Variants in DIP2C observed in about 807,000 individuals in gnomAD.
The protein encoded by DIP2C is disco-interacting protein 2 homolog C.
In DIP2C, 33 loss-of-function variants were observed where a neutral mutation model predicts 192.4. The observed-to-expected ratio is 0.17, with a 90% CI of 0.13 to 0.23. The LOEUF (loss-of-function observed/expected upper bound fraction) is 0.23, where lower values mean the gene tolerates loss of function less well. Among genes scored for constraint, DIP2C ranks in the 10% least tolerant of loss-of-function variants. The pLI, the probability that DIP2C is intolerant of heterozygous loss-of-function variation, is 1.00. For synonymous variants in DIP2C, 979 were observed against 864.1 expected (o/e 1.13, Z -2.33); for missense variants, 1,537 against 2,110.1 (o/e 0.73, Z 5.32).
intron 30 of DIP2C, among the ~76,000 whole-genome samples, 200 bp from the exon 31 acceptor site, chr10:327,376 TAAG>T (rs1957321274): frequency 6.6e-6 from 1 of 152,108 alleles, no homozygotes; most frequent in Admixed American, 6.5e-5. Flanking sequence ...TTCAAATGAT[TAAG>T]AATGGAATTA....
intron 5 of DIP2C, among the ~76,000 whole-genome samples, chr10:421,577 G>C (rs958108065): frequency 6.6e-6 from 1 of 152,142 alleles, no homozygotes; most frequent in Non-Finnish European, 1.5e-5. Context: ...GTGATTTCAA[G>C]TACAGGTTAT....
rs996112901 is a variant in DIP2C at position 498,309 on chromosome 10, G to A, written c.86-11779C>T. ...GTGGGGAAGCAGATGACAGGGACAC[G>A]CTGTACACCCAGGGAATGACTGGGC... On this transcript the variant is annotated intron_variant, in intron 1 of 36. Transcript: ENST00000280886. 6.6e-5 allele frequency among the ~76,000 whole-genome samples: 10 copies of A among 152,344 alleles called. No homozygotes were observed. In the East Asian group the frequency reaches 9.6e-4, roughly 15 times the overall value.
intron 3 of DIP2C, among the ~76,000 whole-genome samples, chr10:459,316 GGA>G (rs1467878974): frequency 6.6e-6 from 1 of 151,914 alleles, no homozygotes; most frequent in Non-Finnish European, 1.5e-5. Flanking sequence ...GACATCCCTG[GGA>G]GGGTCTCGAA....
intron 1 of DIP2C, among the ~76,000 whole-genome samples, chr10:574,732 T>C (rs12570538): frequency 0.04 from 6,043 of 152,290 alleles, 247 homozygotes; most frequent in African/African-American, 0.1. Context: ...ATCAAGGCCA[T>C]GGTACATAAT....
chr10:450,039 C>A (rs1589823785), intron 3 of DIP2C, among the ~76,000 whole-genome samples: 1 of 152,184 alleles, frequency 6.6e-6, no homozygotes, highest in Non-Finnish European at 1.5e-5. Context: ...ATCTCACCAT[C>A]TCGAATGGGG....
rs563444724 is a variant in DIP2C, at chr10:593,479, C to T, written c.85+96015G>A. On this transcript the variant is annotated intron_variant, in intron 1 of 36. Transcript: ENST00000280886. The stretch of plus-strand genomic sequence containing the variant: ...TGTGCATGCCGCCCTGCTCTGCCCA[C>T]GCGGGACCCCCCCCCCCCCACCCTT... Among the ~76,000 whole-genome samples the T allele has an allele frequency of 4.3e-3, 538 of 124,302 alleles. 1 individual carries two copies. Among genetic ancestry groups the T allele is most frequent in the Non-Finnish European group, 7.8e-3 (448 of 57,628 alleles). The allele number at this position is 124,302 out of a possible 152,430, so 81.5% of individuals were successfully genotyped here. A position where few individuals can be genotyped will look rare whatever the true frequency, so the allele number is the denominator to read the frequency against.
intron 26 of DIP2C, among the ~76,000 whole-genome samples, chr10:347,392 T>C (rs1352923193): frequency 4.7e-4 from 45 of 95,962 alleles, no homozygotes; most frequent in East Asian, 9.6e-4. Flanking sequence ...CCCGGAAACG[T>C]CACACGCACC....
rs552253216 is a variant in DIP2C, at chr10:413,941, G to A, written c.1029C>T (p.Asn343=). Residue 343 remains asparagine, a synonymous_variant, in exon 8 of 37, where the codon AAC becomes AAT. Transcript: ENST00000280886. ...AAGTGAGGATGTAGAGGGGCTTCCC[G>A]TTGGTGTCCATGGTGGTCAGGCAGG... The part of the protein sequence containing the change: ...KAPCLTTMDT[N]GKPLYILTYG... 45 of 1,614,148 alleles carry A rather than the reference G, an allele frequency of 2.8e-5. No homozygotes were observed. Among genetic ancestry groups the A allele is most frequent in the Middle Eastern group, 3.3e-4 (2 of 6,054 alleles).
chr10:348,201 T>C (rs1230697118), intron 26 of DIP2C, among the ~76,000 whole-genome samples: 6 of 152,220 alleles, frequency 3.9e-5, no homozygotes, highest in Admixed American at 1.3e-4. Flanking sequence ...GAGGAAAATA[T>C]AGCTGAATCC....
chr10:307,845 A>C (rs535110435), intron 32 of DIP2C, among the ~76,000 whole-genome samples: 1 of 142,142 alleles, frequency 7.0e-6, no homozygotes, highest in African/African-American at 2.8e-5. Flanking sequence ...CACACAGTCC[A>C]TCTGGAGGGC....
intron 4 of DIP2C, among the ~76,000 whole-genome samples, chr10:439,061 G>A (rs567857153): frequency 6.6e-6 from 1 of 152,278 alleles, no homozygotes; most frequent in South Asian, 2.1e-4. Flanking sequence ...TTCCGGGCTG[G>A]TCTTGAACTC....
At chr10:356,269 C>T in intron 24 of DIP2C, 157 bp downstream of exon 24, 3 of 813,590 alleles carry the variant, frequency 3.7e-6, no homozygotes, top group East Asian at 2.6e-5. Flanking sequence ...TAAAAACAAT[C>T]CCTAGGTACA....
chr10:379,903 C>T lies in DIP2C; in HGVS notation c.1991+2744G>A, dbSNP rs372186901. The stretch of plus-strand genomic sequence containing the variant: ...ATGGTTAACGTGCAGAAGAGGCTGT[C>T]CCTGGATGATGGTTAACAGGCAGAA... On this transcript the variant is annotated intron_variant, in intron 17 of 36. Transcript: ENST00000280886. 2.2e-4 allele frequency among the ~76,000 whole-genome samples: 34 copies of T among 152,038 alleles called. No homozygotes were observed. The East Asian group carries it at 6.6e-3, about 30-fold the overall frequency.
At chr10:328,373 T>G (rs143203096) in intron 30 of DIP2C, among the ~76,000 whole-genome samples, 204 of 152,340 alleles carry the variant, frequency 1.3e-3, no homozygotes, top group Non-Finnish European at 1.9e-3. Flanking sequence ...GCTTAATTTC[T>G]CTATGACATA....
chr10:684,325 G>A (rs151297199), intron 1 of DIP2C, among the ~76,000 whole-genome samples: 6 of 152,236 alleles, frequency 3.9e-5, no homozygotes, highest in South Asian at 2.1e-4. Context: ...TATCTGTGAC[G>A]ACTTGATACT....
At chr10:440,007 A>T (rs1057510919) in intron 4 of DIP2C, among the ~76,000 whole-genome samples, 2 of 152,220 alleles carry the variant, frequency 1.3e-5, no homozygotes, top group African/African-American at 4.8e-5. Flanking sequence ...GTTGGAATCA[A>T]AATCACAGAA....
intron 1 of DIP2C, among the ~76,000 whole-genome samples, chr10:535,680 A>G (rs1267198970): frequency 1.3e-5 from 2 of 152,108 alleles, no homozygotes; most frequent in Admixed American, 6.5e-5. Flanking sequence ...TCAAGATGCA[A>G]TGTTACAGTC....
intron 31 of DIP2C, among the ~76,000 whole-genome samples, chr10:324,004 CT>C (rs1957148769): frequency 6.6e-6 from 1 of 152,164 alleles, no homozygotes; most frequent in Non-Finnish European, 1.5e-5. Flanking sequence ...AGCCTCTGCA[CT>C]TACGGCTGCC....
In DIP2C at chr10:387,115, C is replaced by T. The variant is rs998425506; in HGVS notation, c.1662+630G>A. 5.9e-5 allele frequency among the ~76,000 whole-genome samples: 9 copies of T among 152,216 alleles called. No homozygotes were observed. The East Asian group carries it at 7.7e-4, about 13-fold the overall frequency. On this transcript the variant is annotated intron_variant, in intron 14 of 36. Coordinates refer to ENST00000280886, the MANE Select transcript of DIP2C (RefSeq NM_014974.3). Reference sequence around the variant, plus strand: ...AGAAACATCCAGCTAACCAGATGTACGGGACAGTAGCCCACACACGAACCA... The same window carrying T: ...AGAAACATCCAGCTAACCAGATGTATGGGACAGTAGCCCACACACGAACCA...
Sources: allele counts gnomAD v4.1 joint callset (sites outside exome capture counted in the v4.1 genomes callset), GRCh38; gene constraint gnomAD v4.1.1; transcripts MANE v1.5; gene names NCBI Gene and HGNC (gene_info 2026-07-23, HGNC 2026-07-21).